The following BIRC6 variants were observed in gnomAD, a reference collection of about 807,000 sequenced individuals.
The protein encoded by BIRC6 is baculoviral IAP repeat containing 6, also known as dual E2 ubiquitin-conjugating enzyme/E3 ubiquitin-protein ligase BIRC6.
In BIRC6, 98 loss-of-function variants were observed where a neutral mutation model predicts 503.3. The ratio of observed to expected loss-of-function variants is 0.19; its 90% CI spans 0.17 to 0.23. The LOEUF (loss-of-function observed/expected upper bound fraction) is 0.23, where lower values mean the gene tolerates loss of function less well. BIRC6 is among the 10% of genes least tolerant of loss of function. The probability of loss-of-function intolerance (pLI) is 1.00; values close to 1 mark genes in which losing one functional copy is unlikely to be tolerated. For synonymous variants in BIRC6, 2,240 were observed against 2,078.7 expected (o/e 1.08, Z -2.11); for missense variants, 5,360 against 5,806.0 (o/e 0.92, Z 2.50).
intron 9 of BIRC6, among the ~76,000 whole-genome samples, chr2:32,411,422 A>AT (rs1404957175): frequency 7.1e-6 from 1 of 140,736 alleles, no homozygotes; most frequent in Non-Finnish European, 1.5e-5. Flanking sequence ...TATATATTTT[A>AT]TTTTTTTATT....
intron 23 of BIRC6, among the ~76,000 whole-genome samples, chr2:32,462,019 G>T (rs1342277251): frequency 6.6e-6 from 1 of 151,298 alleles, no homozygotes; most frequent in Non-Finnish European, 1.5e-5. Context: ...TAATTTCTCT[G>T]AGCCTTCTTT....
Position 32,357,941 on chromosome 2 carries a change from C to A in BIRC6, c.325+455C>A, listed in dbSNP as rs2033377659. Among the ~76,000 whole-genome samples the A allele has an allele frequency of 6.6e-6, 1 of 151,980 alleles. No homozygotes were observed. Among genetic ancestry groups the A allele is most frequent in the Admixed American group, 6.6e-5 (1 of 15,246 alleles). On this transcript the variant is annotated intron_variant, in intron 1 of 73. Coordinates refer to ENST00000421745, the MANE Select transcript of BIRC6 (RefSeq NM_016252.4). The surrounding 1 kb of genome is among the most constrained non-coding windows in gnomAD (Gnocchi z 4.9). ...GGGAGCGTCTGAGCCGGCAACCAAG[C>A]CCTCCCTTGTGGGAGAGGAGCCGGC...
chr2:32,454,920 C>G (rs1290484186), intron 23 of BIRC6, among the ~76,000 whole-genome samples: 1 of 151,970 alleles, frequency 6.6e-6, no homozygotes. Context: ...TATGGTGATT[C>G]TAGAAAGGTC....
chr2:32,464,698 C>G lies in BIRC6; in HGVS notation c.5131C>G (p.Pro1711Ala). ...TPLFMTPPLTPPNEAVSVVIN... is the reference protein window; with the variant it reads ...TPLFMTPPLTAPNEAVSVVIN... ...TCTTTTTATGACTCCACCACTCACTCCACCCAATGAAGCAGTTTCCGTTGT... is the reference window on the plus strand; with the variant it reads ...TCTTTTTATGACTCCACCACTCACTGCACCCAATGAAGCAGTTTCCGTTGT... Residue 1711 changes from proline to alanine, a missense_variant, in exon 25 of 74, where the codon CCA becomes GCA. This residue lies in a region of BIRC6 where 2,299 missense variants were observed against 2,267.2 expected (regional missense o/e 1.01). Transcript: ENST00000421745. 1 of 1,613,976 alleles carries G rather than the reference C, an allele frequency of 6.2e-7. No individual in the cohort carries two copies. The highest frequency in any genetic ancestry group is 8.5e-7 in the Non-Finnish European group (1 of 1,179,890).
intron 49 of BIRC6, among the ~76,000 whole-genome samples, chr2:32,504,433 C>T (rs1445490827): frequency 6.6e-6 from 1 of 151,560 alleles, no homozygotes; most frequent in Non-Finnish European, 1.5e-5. Context: ...TTTGGGTGGC[C>T]GAGGCGGGTG....
At chr2:32,406,478 T>C in intron 8 of BIRC6, 21 bp from the exon 9 acceptor site, 1 of 1,578,626 alleles carries the variant, frequency 6.3e-7, no homozygotes, top group Non-Finnish European at 8.7e-7. Flanking sequence ...TCAAATTGTT[T>C]ACTTTGTTTT....
At chr2:32,504,022 G>T (rs141318057) in intron 49 of BIRC6, among the ~76,000 whole-genome samples, 3 of 100,674 alleles carry the variant, frequency 3.0e-5, no homozygotes, top group Non-Finnish European at 5.8e-5. Context: ...GGGGCGGGGG[G>T]TGGGGGGGTG....
In BIRC6 at chr2:32,543,259, A is replaced by T; in HGVS notation, c.12310A>T (p.Thr4104Ser). The change falls in exon 62 of 74, where the codon ACA becomes TCA. Residue 4104 changes from threonine (T) to serine (S), a missense_variant. Around this residue, in one of 16 missense-constraint regions of BIRC6, gnomAD observed 878 missense variants for 928.9 expected, o/e 0.95. Transcript: ENST00000421745. Reference protein sequence around the residue: ...VIQQVSAPVVTSTTQEKPKDS... With the variant: ...VIQQVSAPVVSSTTQEKPKDS... Reference sequence around the variant, plus strand: ...TCTTTAGGTGAGTGCTCCAGTTGTAACATCTACCACTCAGGAAAAGCCGAA... The same window carrying T: ...TCTTTAGGTGAGTGCTCCAGTTGTATCATCTACCACTCAGGAAAAGCCGAA... 6.2e-7 allele frequency: 1 copy of T among 1,613,760 alleles called. No individual in the cohort carries two copies. Among genetic ancestry groups the T allele is most frequent in the African/African-American group, 1.3e-5 (1 of 75,038 alleles).
chr2:32,611,853 G>A (rs554930593), intron 73 of BIRC6, among the ~76,000 whole-genome samples: 2 of 152,178 alleles, frequency 1.3e-5, no homozygotes, highest in East Asian at 3.9e-4. Flanking sequence ...ATGACAAGAT[G>A]TGCTCCATGA....
chr2:32,547,455 T>C (rs1333016519), intron 63 of BIRC6, among the ~76,000 whole-genome samples: 1 of 152,206 alleles, frequency 6.6e-6, no homozygotes, highest in Non-Finnish European at 1.5e-5. Context: ...AATTGAATCA[T>C]GTAATGTGTT....
At chr2:32,597,691 AT>A (rs1249196515) in intron 68 of BIRC6, 59 bp from the exon 69 acceptor site, 18 of 1,273,642 alleles carry the variant, frequency 1.4e-5, no homozygotes, top group African/African-American at 3.0e-5. Flanking sequence ...ATTGTTTGTG[AT>A]TTTTGTCATT....
At chr2:32,483,263 A>C (rs1291797201) in intron 39 of BIRC6, among the ~76,000 whole-genome samples, 2 of 152,096 alleles carry the variant, frequency 1.3e-5, no homozygotes, top group African/African-American at 4.8e-5. Flanking sequence ...AGATGTGTTT[A>C]ATTTTTTAAT....
intron 65 of BIRC6, among the ~76,000 whole-genome samples, chr2:32,550,977 C>G (rs1313411303): frequency 6.6e-6 from 1 of 152,022 alleles, no homozygotes; most frequent in African/African-American, 2.4e-5. Context: ...TTTCTTTCAT[C>G]AGGCTTTAGA....
Position 32,490,149 on chromosome 2 carries a change from A to C in BIRC6, c.8204A>C (p.Asn2735Thr), listed in dbSNP as rs1296706654. ...SLTLMTNMQL[N>T]SGSSSAIGTQ... ...ACACTCATGACAAACATGCAGCTTA[A>C]TTGTAAGTTCATAAATTTATTCATT... The change falls in exon 43 of 74, where the codon AAT (asparagine) becomes ACT (threonine). Residue 2735 changes from asparagine (N) to threonine (T), a missense_variant and splice_region_variant. By Grantham distance (65) the Asn-to-Thr change is moderately conservative. Transcript: ENST00000421745. 30 of 1,590,588 alleles carry C rather than the reference A, an allele frequency of 1.9e-5. No homozygotes were observed. The highest frequency in any genetic ancestry group is 2.5e-5 in the Non-Finnish European group (29 of 1,158,902).
At chr2:32,401,068 G>T (rs1573951734) in intron 6 of BIRC6, 95 bp from the exon 7 acceptor site, 4 of 1,072,514 alleles carry the variant, frequency 3.7e-6, no homozygotes, top group Middle Eastern at 2.1e-4. Flanking sequence ...TTTAAGTTCA[G>T]TTAAAAAAAG....
chr2:32,494,370 G>A (rs1436556983), intron 45 of BIRC6, among the ~76,000 whole-genome samples: 4 of 151,748 alleles, frequency 2.6e-5, no homozygotes, highest in African/African-American at 9.7e-5. Context: ...TGGGATTACA[G>A]GCACGCACCA....
intron 65 of BIRC6, among the ~76,000 whole-genome samples, chr2:32,552,700 C>G (rs983881943): frequency 2.6e-5 from 4 of 151,946 alleles, no homozygotes; most frequent in Admixed American, 6.6e-5. Flanking sequence ...TAAATAATTG[C>G]GTAAGAACTT....
chr2:32,556,106 G>A (rs551433438), intron 65 of BIRC6, among the ~76,000 whole-genome samples: 2 of 152,204 alleles, frequency 1.3e-5, no homozygotes, highest in African/African-American at 2.4e-5. Context: ...TGTTGATAGC[G>A]ACTCAGAGTA....
At chr2:32,544,234 A>C (rs556877147) in intron 62 of BIRC6, among the ~76,000 whole-genome samples, 4 of 152,152 alleles carry the variant, frequency 2.6e-5, no homozygotes, top group African/African-American at 9.7e-5. Flanking sequence ...AAAATGTGTT[A>C]AGATTAGTGA....
Sources: gnomAD v4.1 joint callset for allele counts (sites outside exome capture counted in the v4.1 genomes callset) on GRCh38, gnomAD v4.1.1 for gene constraint, gnomAD v4.1.1 regional missense constraint, Gnocchi (gnomAD v3.1) non-coding constraint, MANE v1.5 for transcripts, NCBI Gene and HGNC (gene_info 2026-07-23, HGNC 2026-07-21) for gene names.